Variants in ZDHHC11 observed in about 807,000 individuals in gnomAD.
ZDHHC11 encodes palmitoyltransferase ZDHHC11.
Under a neutral mutation model 51.3 loss-of-function variants are expected in ZDHHC11, and 44 were observed. The observed-to-expected ratio is 0.86, with a 90% confidence interval of 0.67 to 1.10. The LOEUF (loss-of-function observed/expected upper bound fraction) is 1.10. Ranked by LOEUF, ZDHHC11 falls within the 50% of genes least tolerant of loss-of-function variation. ZDHHC11 has a pLI of 0.00. For synonymous variants in ZDHHC11, 163 were observed against 222.0 expected (o/e 0.73, Z 2.36); for missense variants, 400 against 537.7 (o/e 0.74, Z 2.53).
intron 10 of ZDHHC11, among the ~76,000 whole-genome samples, chr5:819,235 G>C (rs149904710): frequency 6.6e-6 from 1 of 151,530 alleles, no homozygotes; most frequent in Non-Finnish European, 1.5e-5. Context: ...GCACTTCAGA[G>C]CCTGCCCTGG....
At chr5:832,234 T>C (rs1432988042) in intron 7 of ZDHHC11, among the ~76,000 whole-genome samples, 1 of 102,992 alleles carries the variant, frequency 9.7e-6, no homozygotes, top group Non-Finnish European at 1.7e-5. Flanking sequence ...GTATCTCACT[T>C]ATAAGTGGGA....
intron 8 of ZDHHC11, 78 bp downstream of exon 8, chr5:825,086 T>C (rs1256903089): frequency 1.2e-5 from 17 of 1,442,166 alleles, no homozygotes; most frequent in Non-Finnish European, 1.7e-5. Flanking sequence ...TGCCTTAACC[T>C]CAGCTTGGGG....
In ZDHHC11 at chr5:801,165, C is replaced by T. The variant is rs745853675; in HGVS notation, c.1182-1G>A. On this transcript the variant is annotated splice_acceptor_variant, in intron 11 of 12. Transcript: ENST00000283441. LOFTEE classifies it high-confidence loss of function. ...GGGCTCTGTTGTTTCTTGTTGCAGC[C>T]TGTTTGCAATATTCAGAAAGAGAAA... 3.7e-6 allele frequency: 6 copies of T among 1,610,798 alleles called. No individual in the cohort carries two copies. The African/African-American group carries it at 6.7e-5, about 18-fold the overall frequency.
chr5:808,937 A>T (rs1226812699), intron 11 of ZDHHC11, among the ~76,000 whole-genome samples: 1 of 149,316 alleles, frequency 6.7e-6, no homozygotes, highest in Non-Finnish European at 1.5e-5. Context: ...TGTCCTCTTT[A>T]TCTGCTGTCT....
chr5:846,904 T>C (rs1241975193), intron 3 of ZDHHC11, among the ~76,000 whole-genome samples: 2 of 149,800 alleles, frequency 1.3e-5, no homozygotes, highest in African/African-American at 2.5e-5. Flanking sequence ...CTCTCATCCT[T>C]GCGCCTCCAC....
chr5:807,404 A>G (rs6879325), intron 11 of ZDHHC11, among the ~76,000 whole-genome samples: 32,702 of 150,428 alleles, frequency 0.22, 5,096 homozygotes, highest in African/African-American at 0.46. Flanking sequence ...GACTTGGAAT[A>G]GGGGCCCCGT....
chr5:844,626 C>T (rs28642782), intron 3 of ZDHHC11, among the ~76,000 whole-genome samples: 16,439 of 131,874 alleles, frequency 0.12, 28 homozygotes, highest in African/African-American at 0.23. Context: ...GGGAGAGCCA[C>T]GAGAGTGCCG....
chr5:847,400 C>G (rs1453993176), intron 3 of ZDHHC11, 114 bp downstream of exon 3: 2 of 1,501,174 alleles, frequency 1.3e-6, no homozygotes, highest in African/African-American at 1.4e-5. Context: ...GACAGGGACG[C>G]GGCCCCAAGA....
At chr5:798,790 A>ATTTTT (rs142996818) in intron 12 of ZDHHC11, among the ~76,000 whole-genome samples, 26 of 147,158 alleles carry the variant, frequency 1.8e-4, no homozygotes, top group South Asian at 4.4e-4. Context: ...AGTGGTGAAT[A>ATTTTT]TTTTTTTTTT....
chr5:825,641 C>G (rs1319645031), intron 7 of ZDHHC11, among the ~76,000 whole-genome samples: 1 of 152,002 alleles, frequency 6.6e-6, no homozygotes, highest in African/African-American at 2.4e-5. Flanking sequence ...TGGCCTTTCA[C>G]TCCAGGAACC....
intron 5 of ZDHHC11, chr5:839,918 G>A: frequency 2.5e-6 from 1 of 405,906 alleles, no homozygotes; most frequent in East Asian, 4.0e-5. Flanking sequence ...GCTGGTGCCA[G>A]GAGCAGGGAG....
chr5:855,498 A>T (rs999855213), upstream of ZDHHC11, among the ~76,000 whole-genome samples: 1 of 144,786 alleles, frequency 6.9e-6, no homozygotes, highest in Admixed American at 6.7e-5. Context: ...CCCACAGAGG[A>T]CAGCAAGCTG....
At chr5:837,121 C>G (rs1278164442) in intron 6 of ZDHHC11, among the ~76,000 whole-genome samples, 2 of 152,102 alleles carry the variant, frequency 1.3e-5, no homozygotes, top group Non-Finnish European at 2.9e-5. Flanking sequence ...TAGAAATGTC[C>G]AGGAGACTCA....
At chr5:816,399 G>T (rs1462642873) in intron 10 of ZDHHC11, 3 of 416,470 alleles carry the variant, frequency 7.2e-6, no homozygotes, top group Non-Finnish European at 1.4e-5. Flanking sequence ...GGCGGTGGTG[G>T]GGTTGGCGGG....
chr5:844,294 C>G (rs1745737905), intron 3 of ZDHHC11, among the ~76,000 whole-genome samples: 1 of 152,302 alleles, frequency 6.6e-6, no homozygotes, highest in African/African-American at 2.4e-5. Context: ...GCGCTTCTTG[C>G]AAACGTGATT....
At chr5:840,691 G>T in intron 4 of ZDHHC11, 41 bp from the exon 5 acceptor site, 1 of 1,611,298 alleles carries the variant, frequency 6.2e-7, no homozygotes. Context: ...AGCACCTGCT[G>T]ACGGGTGCCA....
upstream of ZDHHC11, among the ~76,000 whole-genome samples, chr5:859,509 G>A (rs867035314): frequency 6.6e-6 from 1 of 152,124 alleles, no homozygotes; most frequent in Non-Finnish European, 1.5e-5. Context: ...GGAAGACTGC[G>A]ACCCCAGAGT....
intron 5 of ZDHHC11, among the ~76,000 whole-genome samples, chr5:838,801 C>T (rs1182394041): frequency 2.0e-5 from 3 of 151,598 alleles, no homozygotes; most frequent in African/African-American, 4.9e-5. Flanking sequence ...CCTGCTCTGC[C>T]GCCTGAGGCA....
At chr5:825,132 C>T in intron 8 of ZDHHC11, 32 bp downstream of exon 8, 1 of 1,595,008 alleles carries the variant, frequency 6.3e-7, no homozygotes. Flanking sequence ...CGGCCCTGAC[C>T]TCGGGGTGCA....
Sources: gnomAD v4.1 joint callset for allele counts (sites outside exome capture counted in the v4.1 genomes callset) on GRCh38, gnomAD v4.1.1 for gene constraint, MANE v1.5 for transcripts, NCBI Gene and HGNC (gene_info 2026-07-23, HGNC 2026-07-21) for gene names.